The following SNIP1 variants were observed in gnomAD, a reference collection of about 807,000 sequenced individuals.
SNIP1 encodes Smad nuclear interacting protein 1.
Under a neutral mutation model 37.4 loss-of-function variants are expected in SNIP1, and 23 were observed. The observed-to-expected ratio is 0.61, with a 90% CI of 0.44 to 0.87. The LOEUF (loss-of-function observed/expected upper bound fraction) is 0.87. SNIP1 is among the 40% of genes least tolerant of loss of function. SNIP1 has a pLI of 0.00. For missense variants in SNIP1, 459 were observed against 540.4 expected (o/e 0.85, Z 1.49); for synonymous variants, 174 against 200.0 (o/e 0.87, Z 1.10).
chr1:37,549,962 A>G (rs530144865), intron 2 of SNIP1, among the ~76,000 whole-genome samples: 1 of 152,340 alleles, frequency 6.6e-6, no homozygotes, highest in African/African-American at 2.4e-5. Flanking sequence ...GATTTTTGAC[A>G]AAAGAGCAAA....
chr1:37,542,930 T>C (rs1643191250), intron 2 of SNIP1, among the ~76,000 whole-genome samples: 2 of 151,928 alleles, frequency 1.3e-5, no homozygotes, highest in Non-Finnish European at 2.9e-5. Context: ...CACGACAGCA[T>C]GCACCTGTAA....
intron 2 of SNIP1, among the ~76,000 whole-genome samples, chr1:37,549,806 CA>C (rs1643281169): frequency 6.6e-6 from 1 of 152,108 alleles, no homozygotes; most frequent in South Asian, 2.1e-4. Context: ...AAGAAGACTA[CA>C]ATGGGAAAAA....
intron 1 of SNIP1, 140 bp from the exon 2 acceptor site, chr1:37,552,887 G>T (rs1370163715): frequency 6.7e-5 from 47 of 698,058 alleles, no homozygotes; most frequent in Non-Finnish European, 1.5e-5. Context: ...GAGTCACGAG[G>T]TTCACTTTCC....
rs200160575 is a variant in SNIP1 at position 37,554,056 on chromosome 1, G to A, written c.174C>T (p.Ser58=). The change falls in exon 1 of 4, where the codon AGC becomes AGT. Residue 58 remains serine (S), a synonymous_variant. Transcript: ENST00000296215. The part of the protein sequence containing the change: ...HSGGSPSPPT[S]EPARSGHRGN... ...CGCGGTGGCCCGAGCGGGCCGGCTC[G>A]CTGGTCGGCGGAGACGGGCTACCAC... 1 of 1,592,658 alleles carries A rather than the reference G, an allele frequency of 6.3e-7. No individual in the cohort carries two copies. The highest frequency in any genetic ancestry group is 8.5e-7 in the Non-Finnish European group (1 of 1,170,800).
rs775783956 is a variant in SNIP1 at position 37,537,651 on chromosome 1, GCACCATAGTGCTGGACCCAC to G, written c.*77_*96del. On this transcript the variant is annotated 3_prime_UTR_variant, in exon 4 of 4. Transcript: ENST00000296215. Reference sequence around the variant, plus strand: ...AAGGCAGTAAGAGGCATTACAGAGAGCACCATAGTGCTGGACCCACCACCATAGTGCTCTCTGAGTCAATC... The same window carrying G: ...AAGGCAGTAAGAGGCATTACAGAGAGCACCATAGTGCTCTCTGAGTCAATC... The G allele has an allele frequency of 1.4e-4, 180 of 1,309,722 alleles. No individual in the cohort carries two copies. The highest frequency in any genetic ancestry group is 7.2e-4 in the East Asian group (31 of 43,256). The allele number at this position is 1,309,722 out of a possible 1,614,324, so 81.1% of individuals were successfully genotyped here.
At position 37,535,711 on chromosome 1, in the gene SNIP1, C is replaced by G. The variant is rs565972432; in HGVS notation, c.*2037G>C. On this transcript the variant is annotated 3_prime_UTR_variant, in exon 4 of 4. Transcript: ENST00000296215. ...CAAGAGAAAAGTTCATCCAAACAAA[C>G]CTACTTTTCAGACAAGCACATATAT... is the stretch of plus-strand genomic sequence containing the variant. 2.0e-5 allele frequency: 3 copies of G among 152,238 alleles called. No homozygotes were observed. The highest frequency in any genetic ancestry group is 1.3e-4 in the Admixed American group (2 of 15,290). 9.4% of individuals were successfully genotyped at this position (152,238 alleles called of 1,614,324 possible). A position where few individuals can be genotyped will look rare whatever the true frequency, so the allele number is the denominator to read the frequency against.
intron 3 of SNIP1, among the ~76,000 whole-genome samples, chr1:37,539,636 G>C (rs1167080432): frequency 6.6e-6 from 1 of 152,186 alleles, no homozygotes; most frequent in Non-Finnish European, 1.5e-5. Context: ...CTTGAACCCG[G>C]GATGCAGAGG....
intron 3 of SNIP1, among the ~76,000 whole-genome samples, chr1:37,539,605 G>A (rs545227856): frequency 1.1e-4 from 16 of 152,224 alleles, no homozygotes; most frequent in Non-Finnish European, 2.1e-4. Context: ...AGCTGCTCGG[G>A]AGGCTGAGGC....
At chr1:37,538,198 T>C (rs1643122387) in intron 3 of SNIP1, among the ~76,000 whole-genome samples, 186 bp from the exon 4 acceptor site, 1 of 151,844 alleles carries the variant, frequency 6.6e-6, no homozygotes, top group South Asian at 2.1e-4. Context: ...AAATTGGAAG[T>C]TTAAATATAC....
intron 2 of SNIP1, among the ~76,000 whole-genome samples, chr1:37,543,909 G>A (rs1570022260): frequency 1.4e-5 from 2 of 143,764 alleles, no homozygotes; most frequent in African/African-American, 5.6e-5. Flanking sequence ...GGGAGGGCAA[G>A]GGGGGGGGCA....
At chr1:37,543,856 A>G (rs901551095) in intron 2 of SNIP1, among the ~76,000 whole-genome samples, 2 of 151,956 alleles carry the variant, frequency 1.3e-5, no homozygotes, top group African/African-American at 4.8e-5. Context: ...AACAAGTCTT[A>G]TAGGCTGGGC....
In SNIP1 at chr1:37,537,721, G is replaced by A. The variant is rs768997906; in HGVS notation, c.*27C>T. 9 of 1,600,620 alleles carry A rather than the reference G, an allele frequency of 5.6e-6. No individual in the cohort carries two copies. In the South Asian group the frequency reaches 5.7e-5, roughly 10 times the overall value. On this transcript the variant is annotated 3_prime_UTR_variant, in exon 4 of 4. Coordinates refer to ENST00000296215, the MANE Select transcript of SNIP1 (RefSeq NM_024700.4). ...CAAAGACTTCCAAGAAGGAAACCGT[G>A]TATCAATAGTTTGGGTTCTTAGTTT... is the stretch of plus-strand genomic sequence containing the variant.
chr1:37,538,965 C>T (rs1215456470), intron 3 of SNIP1, among the ~76,000 whole-genome samples: 1 of 152,120 alleles, frequency 6.6e-6, no homozygotes, highest in African/African-American at 2.4e-5. Flanking sequence ...GCATTAGAGT[C>T]TCGTAGGAGC....
In SNIP1 at chr1:37,554,133, G is replaced by A. The variant is rs757458483; in HGVS notation, c.97C>T (p.Arg33Cys). Reference protein sequence around the residue: ...LPAGVVVKQERLSPEVAPPAH... With the variant: ...LPAGVVVKQECLSPEVAPPAH... ...GGAGGTGCGACTTCTGGGCTGAGAC[G>A]CTCCTGCTTCACCACCACCCCCGCC... is the stretch of plus-strand genomic sequence containing the variant. Residue 33 changes from arginine to cysteine, a missense_variant, in exon 1 of 4, where the codon CGT (arginine) becomes TGT (cysteine). Coordinates refer to ENST00000296215, the MANE Select transcript of SNIP1 (RefSeq NM_024700.4). The A allele has an allele frequency of 1.2e-6, 2 of 1,612,954 alleles. No homozygotes were observed. Among genetic ancestry groups the A allele is most frequent in the Admixed American group, 1.7e-5 (1 of 59,970 alleles).
chr1:37,552,511 G>A (rs750508312), intron 2 of SNIP1, 134 bp downstream of exon 2: 11 of 672,942 alleles, frequency 1.6e-5, no homozygotes, highest in Non-Finnish European at 2.6e-5. Context: ...AAGCCCATCG[G>A]AGGTACAAGT....
At position 37,544,724 on chromosome 1, in the gene SNIP1, C is replaced by T. The variant is rs998512750; in HGVS notation, c.328-3969G>A. Reference sequence around the variant, plus strand: ...CAAGGCCCCCGCCGCCACTCCAGCGCCGTGCAGCCACCGCCGCACAGCCAC... The same window carrying T: ...CAAGGCCCCCGCCGCCACTCCAGCGTCGTGCAGCCACCGCCGCACAGCCAC... On this transcript the variant is annotated intron_variant, in intron 2 of 3. Coordinates refer to ENST00000296215, the MANE Select transcript of SNIP1 (RefSeq NM_024700.4). The T allele has an allele frequency of 1.8e-4, 113 of 633,630 alleles. 1 individual carries two copies. Among genetic ancestry groups the T allele is most frequent in the Middle Eastern group, 1.6e-3 (4 of 2,444 alleles). The allele number at this position is 633,630 out of a possible 1,614,324, so 39.3% of individuals were successfully genotyped here.
chr1:37,545,122 C>T, intron 2 of SNIP1: 1 of 739,644 alleles, frequency 1.4e-6, no homozygotes, highest in Non-Finnish European at 2.5e-6. Context: ...TGGCCACCGA[C>T]AAAATTACCC....
Position 37,537,772 on chromosome 1 carries a change from C to T in SNIP1, c.1167G>A (p.Glu389=). 1 of 1,613,956 alleles carries T rather than the reference C, an allele frequency of 6.2e-7. No individual in the cohort carries two copies. ...GCTAGCTGTCAGACACTTCTTCCTC[C>T]TCCTCCTCATCCTCGTCATCTTTCC... is the stretch of plus-strand genomic sequence containing the variant. ...IDRKDDEDEE[E]EEEVSDS The change falls in exon 4 of 4, where the codon GAG becomes GAA. Residue 389 remains glutamate, a synonymous_variant. Transcript: ENST00000296215.
In SNIP1 at chr1:37,540,102, C is replaced by T; in HGVS notation, c.926+55G>A. ...AACATGAACAAAAATCTTAGTAATCCTAACTGAGTGATTGTTTCTGCTCAC... is the reference window on the plus strand; with the variant it reads ...AACATGAACAAAAATCTTAGTAATCTTAACTGAGTGATTGTTTCTGCTCAC... On this transcript the variant is annotated intron_variant, in intron 3 of 3. Coordinates refer to ENST00000296215, the MANE Select transcript of SNIP1 (RefSeq NM_024700.4). The surrounding 1 kb of genome is among the most constrained non-coding windows in gnomAD (Gnocchi z 5.6). The T allele has an allele frequency of 6.9e-7, 1 of 1,456,580 alleles. No individual in the cohort carries two copies. The allele number at this position is 1,456,580 out of a possible 1,614,324, so 90.2% of individuals were successfully genotyped here.
Sources: allele counts gnomAD v4.1 joint callset (sites outside exome capture counted in the v4.1 genomes callset), GRCh38; gene constraint gnomAD v4.1.1; non-coding constraint Gnocchi (gnomAD v3.1); transcripts MANE v1.5; gene names NCBI Gene and HGNC (gene_info 2026-07-23, HGNC 2026-07-21).